The following TMCC1 variants were observed in gnomAD, a reference collection of about 807,000 sequenced individuals.
TMCC1 encodes transmembrane and coiled-coil domain family 1.
A neutral mutation model predicts 52.4 loss-of-function variants in TMCC1; 15 were observed. That is an observed-to-expected ratio of 0.29 (90% CI 0.19 to 0.44). TMCC1 has a LOEUF of 0.44. Ranked by LOEUF, TMCC1 falls within the 20% of genes least tolerant of loss-of-function variation. TMCC1 has a pLI of 1.00. For synonymous variants in TMCC1, 279 were observed against 301.9 expected (o/e 0.92, Z 0.79); for missense variants, 503 against 806.0 (o/e 0.62, Z 4.55).
At chr3:129,809,928 T>C (rs920731261) in intron 4 of TMCC1, among the ~76,000 whole-genome samples, 3 of 152,178 alleles carry the variant, frequency 2.0e-5, no homozygotes, top group Non-Finnish European at 4.4e-5. Context: ...ACTGATTTTA[T>C]GTAGAAAAAC....
chr3:129,668,235 G>A (rs1275101256), intron 5 of TMCC1, among the ~76,000 whole-genome samples: 5 of 152,132 alleles, frequency 3.3e-5, no homozygotes, highest in Non-Finnish European at 7.4e-5. Flanking sequence ...AGGCAGTTTT[G>A]TGTGGTTTTA....
chr3:129,655,125 A>T, intron 5 of TMCC1, 22 bp from the exon 6 acceptor site: 1 of 1,604,726 alleles, frequency 6.2e-7, no homozygotes, highest in Non-Finnish European at 8.5e-7. Flanking sequence ...AAAAAAGTTT[A>T]GAATTTTATG....
chr3:129,774,634 T>C (rs931939958), intron 4 of TMCC1, among the ~76,000 whole-genome samples: 1 of 152,156 alleles, frequency 6.6e-6, no homozygotes, highest in Non-Finnish European at 1.5e-5. Flanking sequence ...GAAACCTCTT[T>C]GGAGAAATGA....
intron 6 of TMCC1, among the ~76,000 whole-genome samples, chr3:129,652,659 T>A (rs1433154959): frequency 6.6e-6 from 1 of 152,240 alleles, no homozygotes; most frequent in African/African-American, 2.4e-5. Context: ...GACTCAGGTA[T>A]AGCATCACAT....
chr3:129,823,647 CA>C (rs1283056861), intron 4 of TMCC1, among the ~76,000 whole-genome samples: 1 of 151,668 alleles, frequency 6.6e-6, no homozygotes, highest in South Asian at 2.1e-4. Context: ...AACAAACAAA[CA>C]AAAAAACAGT....
chr3:129,819,635 A>G (rs1408084795), intron 4 of TMCC1: 3 of 152,222 alleles, frequency 2.0e-5, no homozygotes, highest in Non-Finnish European at 4.4e-5. Context: ...GGAAAGGTCT[A>G]TTCACTACTG....
At chr3:129,854,461 C>T (rs2060061179) in intron 2 of TMCC1, among the ~76,000 whole-genome samples, 1 of 151,520 alleles carries the variant, frequency 6.6e-6, no homozygotes, top group African/African-American at 2.4e-5. Context: ...TGGCTACTTA[C>T]TCCTCTTAGT....
intron 4 of TMCC1, among the ~76,000 whole-genome samples, chr3:129,738,248 G>A (rs1343618681): frequency 1.5e-5 from 2 of 130,488 alleles, no homozygotes; most frequent in Admixed American, 1.8e-4. Flanking sequence ...TCCGGCCTGG[G>A]CAACAGAGTG....
intron 4 of TMCC1, among the ~76,000 whole-genome samples, chr3:129,737,857 AAT>A (rs1421084733): frequency 3.9e-5 from 6 of 152,204 alleles, no homozygotes; most frequent in Non-Finnish European, 8.8e-5. Context: ...GACCACTTAA[AAT>A]AGTTCCACTG....
intron 2 of TMCC1, 112 bp downstream of exon 2, chr3:129,880,197 T>C (rs2061398709): frequency 1.3e-5 from 2 of 152,046 alleles, no homozygotes; most frequent in South Asian, 2.1e-4. Flanking sequence ...GAAAGGAAGA[T>C]GGAACAAGTA....
intron 4 of TMCC1, among the ~76,000 whole-genome samples, chr3:129,823,700 A>G (rs2058529858): frequency 6.6e-6 from 1 of 152,194 alleles, no homozygotes; most frequent in African/African-American, 2.4e-5. Context: ...ATCTTGGCCT[A>G]TCCCTCCGTC....
intron 4 of TMCC1, among the ~76,000 whole-genome samples, chr3:129,786,132 G>C (rs2056013325): frequency 6.6e-6 from 1 of 151,984 alleles, no homozygotes; most frequent in African/African-American, 2.4e-5. Flanking sequence ...TAGAGATGGG[G>C]TTTTGCCACG....
chr3:129,890,124 T>C (rs2137573), intron 1 of TMCC1, among the ~76,000 whole-genome samples: 4,363 of 152,216 alleles, frequency 0.029, 89 homozygotes, highest in Non-Finnish European at 0.046. Context: ...CTCCATAATA[T>C]CTTTAAAAAA....
At chr3:129,755,826 G>T (rs1236145842) in intron 4 of TMCC1, among the ~76,000 whole-genome samples, 4 of 152,228 alleles carry the variant, frequency 2.6e-5, no homozygotes, top group African/African-American at 9.6e-5. Flanking sequence ...TGCCAAGGCT[G>T]GGGCGGTGGC....
chr3:129,852,298 A>C (rs2059947556), intron 2 of TMCC1, among the ~76,000 whole-genome samples: 1 of 152,024 alleles, frequency 6.6e-6, no homozygotes, highest in East Asian at 1.9e-4. Context: ...CTCTACTCAA[A>C]ATACAAAAAT....
At position 129,893,499 on chromosome 3, in the gene TMCC1, G is replaced by A. The variant is rs943785365; in HGVS notation, c.-440C>T. 5.9e-5 allele frequency: 9 copies of A among 152,228 alleles called. No individual in the cohort carries two copies. The highest frequency in any genetic ancestry group is 3.9e-4 in the Admixed American group (6 of 15,264). 9.4% of individuals were successfully genotyped at this position (152,228 alleles called of 1,614,324 possible). A position where few individuals can be genotyped will look rare whatever the true frequency, so the allele number is the denominator to read the frequency against. On this transcript the variant is annotated 5_prime_UTR_variant, in exon 1 of 7. Transcript: ENST00000393238. ...GGGCGGGGGCGCTCACTCACCGGCG[G>A]GGAGGGGAGGAGCAGCCGGCGTCTC...
chr3:129,757,591 T>TG (rs1271451419), intron 4 of TMCC1, among the ~76,000 whole-genome samples: 1 of 151,890 alleles, frequency 6.6e-6, no homozygotes, highest in African/African-American at 2.4e-5. Flanking sequence ...GAGGCCAAGG[T>TG]GGGGGGATCA....
intron 4 of TMCC1, among the ~76,000 whole-genome samples, chr3:129,798,435 C>T (rs896630225): frequency 1.4e-5 from 2 of 142,452 alleles, no homozygotes; most frequent in Non-Finnish European, 3.0e-5. Flanking sequence ...AAGTGCCTTA[C>T]AGAAAGACAC....
chr3:129,699,524 C>G (rs1247688684), intron 4 of TMCC1, among the ~76,000 whole-genome samples: 4 of 152,186 alleles, frequency 2.6e-5, no homozygotes, highest in African/African-American at 9.7e-5. Context: ...CAATACATAT[C>G]CTTAGTTGAA....
Sources: allele counts gnomAD v4.1 joint callset (sites outside exome capture counted in the v4.1 genomes callset), GRCh38; gene constraint gnomAD v4.1.1; transcripts MANE v1.5; gene names NCBI Gene and HGNC (gene_info 2026-07-23, HGNC 2026-07-21).